The following ACOXL variants were observed in gnomAD, a reference collection of about 807,000 sequenced individuals.
The protein encoded by ACOXL is acyl-coenzyme A oxidase-like protein.
In ACOXL, 70 loss-of-function variants were observed where a neutral mutation model predicts 71.9. That is an observed-to-expected ratio of 0.97 (90% CI 0.80 to 1.19). The LOEUF (loss-of-function observed/expected upper bound fraction) is 1.19, where lower values mean the gene tolerates loss of function less well. Among genes scored for constraint, ACOXL ranks in the 50% most tolerant of loss-of-function variants. ACOXL has a pLI of 0.00. For missense variants in ACOXL, 703 were observed against 736.3 expected (o/e 0.95, Z 0.52); for synonymous variants, 253 against 281.6 (o/e 0.90, Z 1.02).
rs3058996 is a variant in ACOXL at position 110,895,667 on chromosome 2, T to TAG, written c.789-13104_789-13103dup. 7.1e-3 allele frequency among the ~76,000 whole-genome samples: 1,050 copies of TAG among 148,476 alleles called. 10 individuals are homozygous for TAG. The highest frequency in any genetic ancestry group is 0.018 in the African/African-American group (735 of 40,360). On this transcript the variant is annotated intron_variant, in intron 10 of 17. Transcript: ENST00000439055. Reference sequence around the variant, plus strand: ...GACAAAGAAAAAATCTTGAAAACAATAGAGAGAGAGAGAGAGAGAAACAAT... The same window carrying TAG: ...GACAAAGAAAAAATCTTGAAAACAATAGAGAGAGAGAGAGAGAGAGAAACAAT...
intron 9 of ACOXL, among the ~76,000 whole-genome samples, chr2:110,840,279 G>A (rs1374292905): frequency 6.6e-6 from 1 of 152,120 alleles, no homozygotes; most frequent in African/African-American, 2.4e-5. Context: ...ATCACTTGTT[G>A]TATGATGAAA....
intron 16 of ACOXL, among the ~76,000 whole-genome samples, chr2:111,090,168 C>T (rs1441910413): frequency 6.6e-6 from 1 of 152,130 alleles, no homozygotes; most frequent in East Asian, 1.9e-4. Context: ...TAATATCATA[C>T]AGTGTGTCAG....
intron 1 of ACOXL, among the ~76,000 whole-genome samples, chr2:110,735,669 A>G (rs559482518): frequency 7.0e-4 from 107 of 152,292 alleles, no homozygotes; most frequent in African/African-American, 2.5e-3. Flanking sequence ...CTGCTGGGCT[A>G]AGTCCTCAGA....
At chr2:111,039,032 T>C (rs890291997) in intron 15 of ACOXL, among the ~76,000 whole-genome samples, 3 of 152,262 alleles carry the variant, frequency 2.0e-5, no homozygotes, top group African/African-American at 7.2e-5. Flanking sequence ...CATGTTCTCA[T>C]TTCAGTGTGT....
At chr2:110,954,387 A>G (rs2061427183) in intron 12 of ACOXL, among the ~76,000 whole-genome samples, 1 of 152,016 alleles carries the variant, frequency 6.6e-6, no homozygotes, top group Non-Finnish European at 1.5e-5. Flanking sequence ...CTTATTTTCT[A>G]TTTGTTGAGT....
intron 11 of ACOXL, among the ~76,000 whole-genome samples, chr2:110,919,028 T>C (rs1358510568): frequency 6.6e-6 from 1 of 152,140 alleles, no homozygotes; most frequent in Non-Finnish European, 1.5e-5. Context: ...AGAAATACCA[T>C]TTGACCCAGC....
chr2:111,100,912 C>T (rs913552126), intron 17 of ACOXL: 3 of 152,686 alleles, frequency 2.0e-5, no homozygotes, highest in Admixed American at 2.0e-4. Flanking sequence ...TGTATCTGCT[C>T]AAGTCTAAAA....
intron 11 of ACOXL, among the ~76,000 whole-genome samples, chr2:110,921,576 G>A (rs909062072): frequency 8.6e-5 from 13 of 151,918 alleles, no homozygotes; most frequent in Non-Finnish European, 1.8e-4. Context: ...TGTACTTTTA[G>A]TAGAGTTGGG....
chr2:110,941,055 T>TC (rs1210237341), intron 12 of ACOXL, among the ~76,000 whole-genome samples: 1 of 152,216 alleles, frequency 6.6e-6, no homozygotes, highest in Non-Finnish European at 1.5e-5. Context: ...AGAAAAATTG[T>TC]CCACAATATG....
intron 10 of ACOXL, among the ~76,000 whole-genome samples, chr2:110,886,534 G>T (rs1374753011): frequency 1.3e-5 from 2 of 151,816 alleles, no homozygotes; most frequent in African/African-American, 4.8e-5. Context: ...GCACCACCAC[G>T]CTTGGCTAGT....
rs573056513 is a variant in ACOXL, at chr2:110,766,086, A to G, written c.-22-2282A>G. On this transcript the variant is annotated intron_variant, in intron 1 of 17. Coordinates refer to ENST00000439055, the MANE Select transcript of ACOXL (RefSeq NM_001142807.4). ...TATGATTACTTATTGAAGCATGGTT[A>G]TGATGGTTGCTTTAAAATCTTCATC... 2.0e-5 allele frequency among the ~76,000 whole-genome samples: 3 copies of G among 152,294 alleles called. No individual in the cohort carries two copies. The East Asian group carries it at 5.8e-4, about 29-fold the overall frequency.
At chr2:110,816,665 A>G (rs1179606140) in intron 9 of ACOXL, among the ~76,000 whole-genome samples, 2 of 152,142 alleles carry the variant, frequency 1.3e-5, no homozygotes, top group Non-Finnish European at 2.9e-5. Context: ...TAGGTGGATG[A>G]TACACAGGTC....
At chr2:110,834,694 GCTC>G (rs944978574) in intron 9 of ACOXL, among the ~76,000 whole-genome samples, 7 of 152,218 alleles carry the variant, frequency 4.6e-5, no homozygotes, top group African/African-American at 1.7e-4. Context: ...CTTCCTGCCT[GCTC>G]TCTCCTGGTT....
intron 9 of ACOXL, among the ~76,000 whole-genome samples, chr2:110,840,641 T>C (rs971005740): frequency 1.3e-5 from 2 of 152,234 alleles, no homozygotes; most frequent in Non-Finnish European, 2.9e-5. Context: ...CCCTGTCATA[T>C]GATTTGACCC....
At chr2:111,046,702 C>T (rs1004899243) in intron 15 of ACOXL, among the ~76,000 whole-genome samples, 37 of 152,096 alleles carry the variant, frequency 2.4e-4, no homozygotes, top group African/African-American at 8.0e-4. Context: ...CCGTGACATG[C>T]GGAGATTATG....
At chr2:110,865,416 A>G (rs1038474507) in intron 10 of ACOXL, among the ~76,000 whole-genome samples, 3 of 152,196 alleles carry the variant, frequency 2.0e-5, no homozygotes, top group African/African-American at 7.2e-5. Flanking sequence ...TCTTTGAACT[A>G]TGGCCTGATT....
chr2:111,075,760 T>C (rs1182543074), intron 16 of ACOXL, among the ~76,000 whole-genome samples: 1 of 152,106 alleles, frequency 6.6e-6, no homozygotes, highest in Non-Finnish European at 1.5e-5. Flanking sequence ...ACTTATATAT[T>C]GCATTTTCAT....
chr2:110,852,135 G>A (rs1458985004), intron 10 of ACOXL, among the ~76,000 whole-genome samples: 1 of 152,200 alleles, frequency 6.6e-6, no homozygotes, highest in Non-Finnish European at 1.5e-5. Flanking sequence ...GGTGTGGGGA[G>A]GCACAGGGTT....
intron 2 of ACOXL, among the ~76,000 whole-genome samples, chr2:110,782,943 A>G (rs1251263939): frequency 6.6e-6 from 1 of 152,130 alleles, no homozygotes; most frequent in African/African-American, 2.4e-5. Flanking sequence ...GCTCTCTGGG[A>G]ACAAGGCTGG....
Sources: allele counts gnomAD v4.1 joint callset (sites outside exome capture counted in the v4.1 genomes callset), GRCh38; gene constraint gnomAD v4.1.1; transcripts MANE v1.5; gene names NCBI Gene and HGNC (gene_info 2026-07-23, HGNC 2026-07-21).